Variants in COLQ observed in about 807,000 individuals in gnomAD.
COLQ encodes acetylcholinesterase collagenic tail peptide.
In COLQ, 48 loss-of-function variants were observed where a neutral mutation model predicts 69.0. The observed-to-expected ratio is 0.70, with a 90% CI of 0.55 to 0.88. The LOEUF is 0.88. Among genes scored for constraint, COLQ ranks in the 40% least tolerant of loss-of-function variants. COLQ has a pLI of 0.00. For missense variants in COLQ, 618 were observed against 594.6 expected (o/e 1.04, Z -0.41); for synonymous variants, 217 against 211.2 (o/e 1.03, Z -0.24).
At chr3:15,516,329 G>A (rs1038054248) in intron 1 of COLQ, among the ~76,000 whole-genome samples, 1 of 152,202 alleles carries the variant, frequency 6.6e-6, no homozygotes, top group Non-Finnish European at 1.5e-5. Flanking sequence ...AGGCAGGGGA[G>A]CACGGGGCTG....
intron 12 of COLQ, among the ~76,000 whole-genome samples, chr3:15,460,319 C>A (rs2062093758): frequency 6.6e-6 from 1 of 152,172 alleles, no homozygotes; most frequent in Non-Finnish European, 1.5e-5. Context: ...GTAAAAGTCA[C>A]ATTCTGGCTG....
chr3:15,469,683 T>G (rs984271033), intron 11 of COLQ, among the ~76,000 whole-genome samples: 2 of 152,142 alleles, frequency 1.3e-5, no homozygotes, highest in Admixed American at 6.5e-5. Context: ...ACCAAACCCA[T>G]GCTGAAAGCT....
chr3:15,518,797 C>T (rs1482799549), intron 1 of COLQ, among the ~76,000 whole-genome samples: 4 of 152,202 alleles, frequency 2.6e-5, no homozygotes, highest in African/African-American at 9.6e-5. Flanking sequence ...TCCCTCAGAG[C>T]AGAGGCCACA....
intron 1 of COLQ, among the ~76,000 whole-genome samples, chr3:15,490,665 G>A (rs2062651567): frequency 6.6e-6 from 1 of 152,210 alleles, no homozygotes; most frequent in African/African-American, 2.4e-5. Flanking sequence ...CATCGCTGAT[G>A]TTCATTGGGT....
At chr3:15,453,760 G>C in intron 16 of COLQ, 69 bp downstream of exon 16, 1 of 1,039,366 alleles carries the variant, frequency 9.6e-7, no homozygotes, top group Non-Finnish European at 1.5e-6. Context: ...ATTTGTGAAG[G>C]AAAGAAGGAA....
Position 15,451,607 on chromosome 3 carries a change from G to C in COLQ, c.*37C>G. 6.3e-7 allele frequency: 1 copy of C among 1,599,366 alleles called. No homozygotes were observed. Among genetic ancestry groups the C allele is most frequent in the Non-Finnish European group, 8.6e-7 (1 of 1,166,546 alleles). ...GATGACAGTGGAGAAGCTGCTGCCA[G>C]TTCTGTGGGGCGCAGCCCACCTTCT... On this transcript the variant is annotated 3_prime_UTR_variant, in exon 17 of 17. Transcript: ENST00000383788.
intron 12 of COLQ, among the ~76,000 whole-genome samples, chr3:15,463,536 T>C (rs6442527): frequency 0.5 from 75,850 of 151,450 alleles, 19,646 homozygotes; most frequent in East Asian, 0.62. Flanking sequence ...TTAGTAGAGA[T>C]GGGGTTTCAC....
At chr3:15,488,350 G>C (rs764042481) in intron 2 of COLQ, 43 bp from the exon 3 acceptor site, 1 of 1,546,150 alleles carries the variant, frequency 6.5e-7, no homozygotes, top group Non-Finnish European at 8.9e-7. Flanking sequence ...AGGCGTAGGG[G>C]ACAGAGGAAG....
chr3:15,484,711 C>G (rs1192210737), intron 3 of COLQ, among the ~76,000 whole-genome samples: 2 of 152,222 alleles, frequency 1.3e-5, no homozygotes, highest in African/African-American at 2.4e-5. Context: ...ATTGAATTGG[C>G]TACTGAAGCT....
At chr3:15,454,085 G>A in intron 15 of COLQ, 154 bp from the exon 16 acceptor site, 1 of 652,288 alleles carries the variant, frequency 1.5e-6, no homozygotes, top group South Asian at 1.7e-5. Context: ...TCCAGGGACT[G>A]CCCACAGGCT....
rs1436702100 is a variant in COLQ, at chr3:15,488,194, G to C, written c.321+12C>G. 6.2e-7 allele frequency: 1 copy of C among 1,602,462 alleles called. No homozygotes were observed. Among genetic ancestry groups the C allele is most frequent in the Non-Finnish European group, 8.5e-7 (1 of 1,172,024 alleles). On this transcript the variant is annotated intron_variant, in intron 3 of 16. Transcript: ENST00000383788. ...AGAAGACAGCGAGAGGGGTCCGGTAGAGTGCACCAACCTGGGGGCCGGGAG... is the reference window on the plus strand; with the variant it reads ...AGAAGACAGCGAGAGGGGTCCGGTACAGTGCACCAACCTGGGGGCCGGGAG...
At chr3:15,483,017 TC>T (rs2125129134) in intron 3 of COLQ, among the ~76,000 whole-genome samples, 1 of 152,364 alleles carries the variant, frequency 6.6e-6, no homozygotes, top group Non-Finnish European at 1.5e-5. Flanking sequence ...TATAGTGTTT[TC>T]TTATGGTAGT....
intron 3 of COLQ, among the ~76,000 whole-genome samples, chr3:15,483,189 G>A (rs2125129363): frequency 6.6e-6 from 1 of 152,008 alleles, no homozygotes; most frequent in South Asian, 2.1e-4. Context: ...TTTTTTGAAG[G>A]GTTTTTTCGT....
At chr3:15,492,565 G>A (rs142727039) in intron 1 of COLQ, among the ~76,000 whole-genome samples, 1,631 of 152,248 alleles carry the variant, frequency 0.011, 12 homozygotes, top group Middle Eastern at 0.017. Context: ...TACTTGGGAG[G>A]CTGAGGTGGG....
In COLQ at chr3:15,475,501, A is replaced by G. The variant is rs2062364963; in HGVS notation, c.466-14T>C. On this transcript the variant is annotated splice_polypyrimidine_tract_variant and intron_variant, in intron 6 of 16. Transcript: ENST00000383788. The stretch of plus-strand genomic sequence containing the variant: ...ACCTTTTTCACCCTGTGGGAATTAG[A>G]AGAAGAAAAGACCCACGGTGATATT... 1 of 1,582,656 alleles carries G rather than the reference A, an allele frequency of 6.3e-7. No homozygotes were observed. The highest frequency in any genetic ancestry group is 1.8e-5 in the Admixed American group (1 of 56,074).
intron 15 of COLQ, among the ~76,000 whole-genome samples, chr3:15,455,131 G>A (rs2125083983): frequency 6.6e-6 from 1 of 152,260 alleles, no homozygotes; most frequent in East Asian, 1.9e-4. Flanking sequence ...GCACATGTTA[G>A]CTCACAGGAT....
chr3:15,486,147 C>A (rs1409676193), intron 3 of COLQ, among the ~76,000 whole-genome samples: 2 of 152,158 alleles, frequency 1.3e-5, no homozygotes, highest in Non-Finnish European at 2.9e-5. Flanking sequence ...TCTCTTGATT[C>A]TTCCAAGCCT....
At chr3:15,453,129 C>T (rs1202935030) in intron 16 of COLQ, among the ~76,000 whole-genome samples, 5 of 152,210 alleles carry the variant, frequency 3.3e-5, no homozygotes, top group African/African-American at 9.7e-5. Context: ...CCTTCTGCAC[C>T]TTGGAAGGAG....
chr3:15,453,848 A>G lies in COLQ; in HGVS notation c.1279T>C (p.Cys427Arg), dbSNP rs1064795839. ...CCCTACCCAGGGAGATAGGTCTCGC[A>G]TGTCAGGTAGCCAAAGTCAGAGCCG... The part of the protein sequence containing the change: ...CDGSDFGYLT[C>R]ETYLPGSYGD... Residue 427 changes from cysteine (C) to arginine (R), a missense_variant, in exon 16 of 17, where the codon TGC becomes CGC. By Grantham distance (180) the Cys-to-Arg change is radical. Transcript: ENST00000383788. 6.2e-7 allele frequency: 1 copy of G among 1,611,546 alleles called. No individual in the cohort carries two copies. The highest frequency in any genetic ancestry group is 8.5e-7 in the Non-Finnish European group (1 of 1,178,722).
Sources: gnomAD v4.1 joint callset for allele counts (sites outside exome capture counted in the v4.1 genomes callset) on GRCh38, gnomAD v4.1.1 for gene constraint, MANE v1.5 for transcripts, NCBI Gene and HGNC (gene_info 2026-07-23, HGNC 2026-07-21) for gene names.